ARHGAP28: variants seen among roughly 807,000 people sequenced by gnomAD.
ARHGAP28 encodes the protein Rho GTPase activating protein 28, also known as rho GTPase-activating protein 28.
In ARHGAP28, 56 loss-of-function variants were observed where a neutral mutation model predicts 90.7. The ratio of observed to expected loss-of-function variants is 0.62; its 90% CI spans 0.50 to 0.77. The LOEUF (loss-of-function observed/expected upper bound fraction) is 0.77. Among genes scored for constraint, ARHGAP28 ranks in the 30% least tolerant of loss-of-function variants. The pLI is 0.00. For missense variants in ARHGAP28, 869 were observed against 900.9 expected (o/e 0.96, Z 0.45); for synonymous variants, 308 against 323.3 (o/e 0.95, Z 0.51).
At chr18:6,837,155 C>T (rs1261590714) in intron 2 of ARHGAP28, 42 bp from the exon 3 acceptor site, 2 of 1,435,078 alleles carry the variant, frequency 1.4e-6, no homozygotes, top group South Asian at 2.5e-5. Flanking sequence ...TCCAATCATA[C>T]AGAAAATATT....
chr18:6,815,250 G>A (rs1048677933), intron 1 of ARHGAP28, among the ~76,000 whole-genome samples: 8 of 152,148 alleles, frequency 5.3e-5, no homozygotes, highest in Non-Finnish European at 1.0e-4. Context: ...ATTATTAGCC[G>A]AACAGGGAGC....
intron 1 of ARHGAP28, among the ~76,000 whole-genome samples, chr18:6,747,219 G>A (rs55875742): frequency 0.019 from 2,885 of 152,026 alleles, 109 homozygotes; most frequent in East Asian, 0.11. Context: ...GTTTAGTACT[G>A]TATCCTCTAA....
rs189609453 is a variant in ARHGAP28 at position 6,881,998 on chromosome 18, G to A, written c.1291-139G>A. 251 of 672,550 alleles carry A rather than the reference G, an allele frequency of 3.7e-4. No homozygotes were observed. In the African/African-American group the frequency reaches 4.2e-3, roughly 11 times the overall value. 41.7% of individuals were successfully genotyped at this position (672,550 alleles called of 1,614,324 possible). On this transcript the variant is annotated intron_variant, in intron 10 of 17. Transcript: ENST00000383472. ...CATAGCTATTTGCCTTAATCATGTT[G>A]AAAAAAAATTACTCTTGGTAGACAT...
At chr18:6,811,503 A>G (rs2056556101) in intron 1 of ARHGAP28, among the ~76,000 whole-genome samples, 1 of 152,176 alleles carries the variant, frequency 6.6e-6, no homozygotes, top group African/African-American at 2.4e-5. Flanking sequence ...TGTACAGGTT[A>G]CCTATTATAT....
At chr18:6,782,992 A>C (rs2056337518) in intron 1 of ARHGAP28, among the ~76,000 whole-genome samples, 1 of 152,112 alleles carries the variant, frequency 6.6e-6, no homozygotes, top group Non-Finnish European at 1.5e-5. Flanking sequence ...TGTGCTCCTG[A>C]GACCAAAGTG....
At chr18:6,852,042 GTACAGT>G (rs1567970390) in intron 4 of ARHGAP28, among the ~76,000 whole-genome samples, 1 of 152,120 alleles carries the variant, frequency 6.6e-6, no homozygotes, top group Admixed American at 6.5e-5. Context: ...TATACTTTAT[GTACAGT>G]TAATTGCATA....
intron 1 of ARHGAP28, among the ~76,000 whole-genome samples, chr18:6,734,386 G>A (rs1288872570): frequency 6.6e-6 from 1 of 152,000 alleles, no homozygotes; most frequent in Non-Finnish European, 1.5e-5. Context: ...TATTTATCTA[G>A]TTATACCATA....
chr18:6,827,331 T>C, intron 2 of ARHGAP28, among the ~76,000 whole-genome samples: 2 of 136,146 alleles, frequency 1.5e-5, no homozygotes, highest in African/African-American at 2.8e-5. Context: ...ACCCTCCACC[T>C]CCCTCCCGGA....
At chr18:6,870,896 G>C (rs973062626) in intron 7 of ARHGAP28, among the ~76,000 whole-genome samples, 164 bp downstream of exon 7, 2 of 152,064 alleles carry the variant, frequency 1.3e-5, no homozygotes, top group Non-Finnish European at 2.9e-5. Context: ...TGCCTCCCGG[G>C]TTCACGCCAT....
intron 4 of ARHGAP28, among the ~76,000 whole-genome samples, chr18:6,856,124 G>C (rs750016085): frequency 1.8e-4 from 27 of 152,238 alleles, no homozygotes; most frequent in Non-Finnish European, 3.8e-4. Flanking sequence ...CTTCCGGCTA[G>C]AAAAGCGACA....
chr18:6,772,245 C>T (rs1156610149), intron 1 of ARHGAP28, among the ~76,000 whole-genome samples: 1 of 152,166 alleles, frequency 6.6e-6, no homozygotes, highest in East Asian at 1.9e-4. Context: ...TTCATTTGTA[C>T]ATTAACCATC....
At chr18:6,904,729 C>G (rs925259891) in intron 16 of ARHGAP28, among the ~76,000 whole-genome samples, 35 of 151,878 alleles carry the variant, frequency 2.3e-4, no homozygotes, top group African/African-American at 7.0e-4. Flanking sequence ...TCAAGAATAT[C>G]AAAAACAGGA....
Position 6,873,533 on chromosome 18 carries a change from T to C in ARHGAP28, c.1079T>C (p.Ile360Thr). Residue 360 changes from isoleucine (I) to threonine (T), a missense_variant, in exon 8 of 18, where the codon ATT becomes ACT. By Grantham distance (89) the Ile-to-Thr change is moderately conservative. Coordinates refer to ENST00000383472, the MANE Select transcript of ARHGAP28 (RefSeq NM_001366230.1). ...ACTGCCTTTTTTGATGCCTTTGGAA[T>C]TCAACTGAAAAGGAACAAAACAGAG... ...ELTAFFDAFG[I>T]QLKRNKTEKV... is the part of the protein sequence containing the mutation. The C allele has an allele frequency of 6.2e-7, 1 of 1,614,044 alleles. No homozygotes were observed. The highest frequency in any genetic ancestry group is 8.5e-7 in the Non-Finnish European group (1 of 1,180,014).
At chr18:6,773,640 A>C (rs2056261005) in intron 1 of ARHGAP28, among the ~76,000 whole-genome samples, 1 of 152,184 alleles carries the variant, frequency 6.6e-6, no homozygotes, top group African/African-American at 2.4e-5. Context: ...TTCTCTCTGC[A>C]TTGCTGCTTG....
intron 2 of ARHGAP28, among the ~76,000 whole-genome samples, chr18:6,827,039 G>T (rs2056670290): frequency 6.6e-6 from 1 of 152,162 alleles, no homozygotes. Flanking sequence ...CAAGGCAGAA[G>T]AATTTATCTT....
intron 3 of ARHGAP28, among the ~76,000 whole-genome samples, chr18:6,848,024 G>C (rs1026329512): frequency 2.6e-5 from 4 of 152,092 alleles, no homozygotes; most frequent in Admixed American, 2.6e-4. Context: ...GTTTTTATTG[G>C]GGGTTGATCA....
At chr18:6,857,822 T>C (rs982199513) in intron 4 of ARHGAP28, among the ~76,000 whole-genome samples, 5 of 152,256 alleles carry the variant, frequency 3.3e-5, no homozygotes, top group African/African-American at 1.2e-4. Flanking sequence ...AGCTGGACTT[T>C]ATTGATTTTC....
chr18:6,769,890 TTTA>T (rs2056228810), intron 1 of ARHGAP28, among the ~76,000 whole-genome samples: 2 of 152,268 alleles, frequency 1.3e-5, no homozygotes, highest in Admixed American at 1.3e-4. Flanking sequence ...AAATGTCTCC[TTTA>T]TTATTTATTT....
chr18:6,841,167 C>CCTCTCT lies in ARHGAP28; in HGVS notation c.543+3761_543+3766dup, dbSNP rs776937358. Among the ~76,000 whole-genome samples, 27 of 79,988 alleles carry CCTCTCT rather than the reference C, an allele frequency of 3.4e-4. 1 individual carries two copies. Among genetic ancestry groups the CCTCTCT allele is most frequent in the Non-Finnish European group, 5.0e-4 (19 of 38,126 alleles). 52.5% of individuals were successfully genotyped at this position (79,988 alleles called of 152,430 possible). On this transcript the variant is annotated intron_variant, in intron 3 of 17. Transcript: ENST00000383472. ...CTGTCTCTCTCCTCTTTCTCTCTCTCCTCTCTCTCTCTCCTCTCTCTCTCT... is the reference window on the plus strand; with the variant it reads ...CTGTCTCTCTCCTCTTTCTCTCTCTCCTCTCTCTCTCTCTCTCTCCTCTCTCTCTCT...
Sources: allele counts gnomAD v4.1 joint callset (sites outside exome capture counted in the v4.1 genomes callset), GRCh38; gene constraint gnomAD v4.1.1; transcripts MANE v1.5; gene names NCBI Gene and HGNC (gene_info 2026-07-23, HGNC 2026-07-21).